EYA3: variants seen among roughly 807,000 people sequenced by gnomAD.
EYA3 encodes the protein protein phosphatase EYA3.
EYA3 carries 39 observed loss-of-function variants against 80.0 expected under a neutral mutation model. The observed-to-expected ratio is 0.49, with a 90% CI of 0.38 to 0.64. The LOEUF (loss-of-function observed/expected upper bound fraction) is 0.64. EYA3 is among the 30% of genes least tolerant of loss of function. EYA3 has a pLI of 0.00. For synonymous variants in EYA3, 206 were observed against 232.8 expected (o/e 0.88, Z 1.05); for missense variants, 523 against 676.1 (o/e 0.77, Z 2.51).
chr1:28,024,495 A>G (rs1325590540), intron 7 of EYA3, among the ~76,000 whole-genome samples: 6 of 151,908 alleles, frequency 3.9e-5, no homozygotes, highest in Non-Finnish European at 8.8e-5. Context: ...TGTCTCTACT[A>G]AAAATACAAA....
chr1:27,978,451 T>C lies in EYA3; in HGVS notation c.1564A>G (p.Ile522Val). 6.2e-7 allele frequency: 1 copy of C among 1,614,068 alleles called. No individual in the cohort carries two copies. Among genetic ancestry groups the C allele is most frequent in the Non-Finnish European group, 8.5e-7 (1 of 1,179,942 alleles). Residue 522 changes from isoleucine to valine, a missense_variant, in exon 17 of 18, where the codon ATT becomes GTT. Coordinates refer to ENST00000373871, the MANE Select transcript of EYA3 (RefSeq NM_001990.4). ...KIGKESCFER[I>V]VSRFGKKVTY... ...ACTTTCTTTCCAAACCTTGACACAA[T>C]TCTCTCAAAGCAGCTCTCCTTACCT...
intron 6 of EYA3, among the ~76,000 whole-genome samples, chr1:28,033,418 T>C (rs1643260098): frequency 6.6e-6 from 1 of 152,098 alleles, no homozygotes; most frequent in Non-Finnish European, 1.5e-5. Context: ...GTAAGTCTCA[T>C]ACATTACTTA....
chr1:28,048,960 T>C (rs936790913), intron 2 of EYA3, among the ~76,000 whole-genome samples: 6 of 152,198 alleles, frequency 3.9e-5, no homozygotes, highest in Non-Finnish European at 7.4e-5. Flanking sequence ...GGCACTTCCA[T>C]TGAAACAGTG....
chr1:28,048,851 A>G (rs1644132270), intron 2 of EYA3, among the ~76,000 whole-genome samples: 1 of 152,192 alleles, frequency 6.6e-6, no homozygotes, highest in Non-Finnish European at 1.5e-5. Flanking sequence ...TCAAAAATTA[A>G]TATGAATTCT....
At chr1:27,999,143 C>T (rs992964962) in intron 12 of EYA3, among the ~76,000 whole-genome samples, 1 of 152,188 alleles carries the variant, frequency 6.6e-6, no homozygotes. Flanking sequence ...CTACACAGCT[C>T]AAAATTCAAA....
chr1:28,079,213 C>G (rs1035986452), intron 1 of EYA3, among the ~76,000 whole-genome samples: 23 of 152,246 alleles, frequency 1.5e-4, no homozygotes, highest in African/African-American at 5.5e-4. Flanking sequence ...GTCTGCTGAC[C>G]CTGTTTCACT....
At chr1:27,988,352 C>A in intron 16 of EYA3, 183 bp downstream of exon 16, 1 of 570,722 alleles carries the variant, frequency 1.8e-6, no homozygotes. Flanking sequence ...GCTGTGAGAA[C>A]CTGAGCAAGC....
chr1:28,038,013 T>C (rs2148851671), intron 5 of EYA3, among the ~76,000 whole-genome samples: 1 of 152,264 alleles, frequency 6.6e-6, no homozygotes, highest in East Asian at 1.9e-4. Context: ...CTACCCACTT[T>C]GGAGATGAAA....
At chr1:28,017,547 C>T (rs913803916) in intron 7 of EYA3, among the ~76,000 whole-genome samples, 1 of 152,196 alleles carries the variant, frequency 6.6e-6, no homozygotes. Context: ...AAATCCAATT[C>T]CTCCAGCCCA....
chr1:28,055,460 A>ATT (rs1343071526), intron 2 of EYA3, among the ~76,000 whole-genome samples: 1 of 141,830 alleles, frequency 7.1e-6, no homozygotes, highest in African/African-American at 2.7e-5. Context: ...TCTAAAGAAA[A>ATT]TCTTTTTTTT....
At chr1:28,063,952 C>T (rs535841792) in intron 1 of EYA3, among the ~76,000 whole-genome samples, 24 of 152,102 alleles carry the variant, frequency 1.6e-4, no homozygotes, top group Admixed American at 1.4e-3. Flanking sequence ...TAACATTTTT[C>T]ACCCACACAT....
At chr1:28,072,532 A>T (rs1373048536) in intron 1 of EYA3, among the ~76,000 whole-genome samples, 12 of 152,158 alleles carry the variant, frequency 7.9e-5, no homozygotes, top group Admixed American at 6.5e-5. Context: ...AAATAAAAAT[A>T]AAAAAACTGG....
chr1:27,988,135 G>A (rs543290343), intron 16 of EYA3, among the ~76,000 whole-genome samples: 1 of 152,262 alleles, frequency 6.6e-6, no homozygotes, highest in South Asian at 2.1e-4. Flanking sequence ...CTCCCAAAGT[G>A]GTGGTAATAC....
At chr1:27,993,692 G>A in intron 13 of EYA3, 132 bp from the exon 14 acceptor site, 1 of 630,260 alleles carries the variant, frequency 1.6e-6, no homozygotes. Context: ...CTTAATCTCT[G>A]TATGTCAGAG....
intron 6 of EYA3, among the ~76,000 whole-genome samples, chr1:28,033,342 C>T (rs1336378075): frequency 6.6e-6 from 1 of 152,136 alleles, no homozygotes; most frequent in East Asian, 1.9e-4. Context: ...CTTATAATTT[C>T]TCTGGTAAAT....
chr1:27,980,814 G>A (rs1232942175), intron 16 of EYA3, among the ~76,000 whole-genome samples: 1 of 152,182 alleles, frequency 6.6e-6, no homozygotes, highest in African/African-American at 2.4e-5. Context: ...TAAGGCAGGA[G>A]GATTACTTGA....
At chr1:27,977,026 T>G in intron 17 of EYA3, 15 of 985,238 alleles carry the variant, frequency 1.5e-5, no homozygotes, top group Non-Finnish European at 1.6e-5. Flanking sequence ...CCTCAATGGA[T>G]GTATTCTGTT....
chr1:28,002,725 T>C (rs1046465268), intron 11 of EYA3, among the ~76,000 whole-genome samples: 3 of 151,966 alleles, frequency 2.0e-5, no homozygotes, highest in African/African-American at 4.8e-5. Flanking sequence ...GGCAGGAGGA[T>C]TGCTTTAGCT....
At chr1:27,984,246 C>T (rs1214725269) in intron 16 of EYA3, among the ~76,000 whole-genome samples, 3 of 152,026 alleles carry the variant, frequency 2.0e-5, no homozygotes, top group Non-Finnish European at 4.4e-5. Flanking sequence ...CACTATGTTA[C>T]CCACGATGGT....
Sources: gnomAD v4.1 joint callset for allele counts (sites outside exome capture counted in the v4.1 genomes callset) on GRCh38, gnomAD v4.1.1 for gene constraint, MANE v1.5 for transcripts, NCBI Gene and HGNC (gene_info 2026-07-23, HGNC 2026-07-21) for gene names.